The following RAPGEF2 variants were observed in gnomAD, a reference collection of about 807,000 sequenced individuals.
RAPGEF2 encodes PDZ domain containing guanine nucleotide exchange factor (GEF) 1.
In RAPGEF2, 54 loss-of-function variants were observed where a neutral mutation model predicts 186.7. That is an observed-to-expected ratio of 0.29 (90% CI 0.23 to 0.36). The LOEUF (loss-of-function observed/expected upper bound fraction) is 0.36, where lower values mean the gene tolerates loss of function less well. RAPGEF2 is among the 10% of genes least tolerant of loss of function. The probability of loss-of-function intolerance (pLI) is 1.00; values close to 1 mark genes in which losing one functional copy is unlikely to be tolerated. For synonymous variants in RAPGEF2, 712 were observed against 705.9 expected, an observed-to-expected ratio of 1.01 and a Z score of -0.14; for missense variants, 1,532 against 2,045.0, an observed-to-expected ratio of 0.75 and a Z score of 4.84.
chr4:159,311,948 A>G (rs893382716), intron 8 of RAPGEF2, among the ~76,000 whole-genome samples: 1 of 152,150 alleles, frequency 6.6e-6, no homozygotes, highest in African/African-American at 2.4e-5. Flanking sequence ...TATTTTATGA[A>G]TAGTTTGTTT....
intron 7 of RAPGEF2, among the ~76,000 whole-genome samples, chr4:159,249,961 C>T (rs545545913): frequency 6.6e-6 from 1 of 152,122 alleles, no homozygotes; most frequent in Admixed American, 6.5e-5. Context: ...TGCCTAGCAT[C>T]CTTTGTGGTA....
intron 1 of RAPGEF2, among the ~76,000 whole-genome samples, chr4:159,170,231 T>C (rs1745765425): frequency 6.6e-6 from 1 of 152,142 alleles, no homozygotes; most frequent in Non-Finnish European, 1.5e-5. Context: ...TCAGGTCCTT[T>C]TCCTATTTTG....
intron 7 of RAPGEF2, among the ~76,000 whole-genome samples, chr4:159,250,779 C>T (rs1755229981): frequency 6.6e-6 from 1 of 151,648 alleles, no homozygotes; most frequent in African/African-American, 2.4e-5. Flanking sequence ...GCTAGCAGCC[C>T]TCGCTTGCTC....
chr4:159,129,685 T>C (rs1740793166), intron 1 of RAPGEF2, among the ~76,000 whole-genome samples: 1 of 152,216 alleles, frequency 6.6e-6, no homozygotes, highest in Non-Finnish European at 1.5e-5. Flanking sequence ...ATGTCTATGT[T>C]GTTGTTAATA....
chr4:159,348,511 A>G (rs10013961), intron 25 of RAPGEF2, among the ~76,000 whole-genome samples: 2,861 of 152,242 alleles, frequency 0.019, 84 homozygotes, highest in African/African-American at 0.064. Context: ...TTTCCTAGGT[A>G]CATTTCTCCT....
intron 7 of RAPGEF2, among the ~76,000 whole-genome samples, chr4:159,295,273 G>A (rs944176234): frequency 6.6e-6 from 1 of 152,178 alleles, no homozygotes; most frequent in Non-Finnish European, 1.5e-5. Flanking sequence ...TGGACTGAAT[G>A]ACCTAGAGAA....
intron 1 of RAPGEF2, among the ~76,000 whole-genome samples, chr4:159,104,884 T>G (rs1191479821): frequency 6.6e-6 from 1 of 152,202 alleles, no homozygotes; most frequent in African/African-American, 2.4e-5. Context: ...GAAAAAAAGT[T>G]GAATAGCTAA....
At chr4:159,153,072 A>G (rs761402260) in intron 1 of RAPGEF2, among the ~76,000 whole-genome samples, 1 of 152,156 alleles carries the variant, frequency 6.6e-6, no homozygotes, top group Non-Finnish European at 1.5e-5. Context: ...TATATTGGTC[A>G]GTTACTATAT....
At chr4:159,237,408 AC>A (rs1400419982) in intron 4 of RAPGEF2, among the ~76,000 whole-genome samples, 3 of 152,144 alleles carry the variant, frequency 2.0e-5, no homozygotes, top group African/African-American at 2.4e-5. Context: ...GCCTAGTCTA[AC>A]CTGATAACCT....
At chr4:159,253,434 C>A (rs1434548243) in intron 7 of RAPGEF2, among the ~76,000 whole-genome samples, 2 of 152,154 alleles carry the variant, frequency 1.3e-5, no homozygotes, top group East Asian at 1.9e-4. Flanking sequence ...TTTGTTAATA[C>A]CACCACAGAT....
intron 7 of RAPGEF2, among the ~76,000 whole-genome samples, chr4:159,252,820 T>A (rs545920669): frequency 2.0e-4 from 30 of 152,244 alleles, no homozygotes; most frequent in South Asian, 1.7e-3. Context: ...CTAAAAAAAA[T>A]TTTTGGCTCT....
chr4:159,194,577 G>T (rs145779912), intron 3 of RAPGEF2, among the ~76,000 whole-genome samples: 3 of 152,200 alleles, frequency 2.0e-5, no homozygotes, highest in African/African-American at 4.8e-5. Context: ...TAATTATTAT[G>T]ATATGTATCT....
chr4:159,208,024 T>TTTTA (rs1750150771), intron 3 of RAPGEF2, among the ~76,000 whole-genome samples: 1 of 152,228 alleles, frequency 6.6e-6, no homozygotes, highest in Non-Finnish European at 1.5e-5. Context: ...TTAGAAATCT[T>TTTTA]TTTATTTTTA....
intron 1 of RAPGEF2, among the ~76,000 whole-genome samples, chr4:159,178,650 C>A (rs372433250): frequency 6.6e-6 from 1 of 150,784 alleles, no homozygotes; most frequent in Non-Finnish European, 1.5e-5. Flanking sequence ...CTCCACCTCC[C>A]GGGTTCAAGC....
intron 1 of RAPGEF2, among the ~76,000 whole-genome samples, chr4:159,114,647 A>G (rs1261199014): frequency 6.6e-6 from 1 of 152,226 alleles, no homozygotes. Context: ...ATTTAAGTAG[A>G]TCACAATATT....
At position 159,342,985 on chromosome 4, in the gene RAPGEF2, A is replaced by G; in HGVS notation, c.2925A>G (p.Leu975=). 1 of 1,613,886 alleles carries G rather than the reference A, an allele frequency of 6.2e-7. No individual in the cohort carries two copies. The highest frequency in any genetic ancestry group is 8.5e-7 in the Non-Finnish European group (1 of 1,179,848). The change falls in exon 21 of 30, where the codon CTA becomes CTG. Residue 975 remains leucine, a synonymous_variant. Coordinates refer to ENST00000691494, the MANE Select transcript of RAPGEF2 (RefSeq NM_001394067.2). ...FNSMFAIISG[L]NLAPVARLRT... ...TTTCTTTTTCTCCTCTCAGTGGCCTAAACCTGGCACCAGTGGCAAGACTGC... is the reference window on the plus strand; with the variant it reads ...TTTCTTTTTCTCCTCTCAGTGGCCTGAACCTGGCACCAGTGGCAAGACTGC...
At chr4:159,340,667 C>CCACACACACA (rs3071283) in intron 19 of RAPGEF2, among the ~76,000 whole-genome samples, 1,098 of 76,862 alleles carry the variant, frequency 0.014, 106 homozygotes, top group Non-Finnish European at 0.016. Context: ...ACCACCATCA[C>CCACACACACA]CACACACACA....
intron 11 of RAPGEF2, among the ~76,000 whole-genome samples, chr4:159,324,352 ATTACTT>A (rs1414226330): frequency 3.9e-5 from 6 of 152,276 alleles, no homozygotes; most frequent in African/African-American, 1.4e-4. Context: ...ATGTGGAACT[ATTACTT>A]TTAGTCTTAT....
At chr4:159,206,973 C>G (rs1750055941) in intron 3 of RAPGEF2, among the ~76,000 whole-genome samples, 1 of 152,150 alleles carries the variant, frequency 6.6e-6, no homozygotes, top group Non-Finnish European at 1.5e-5. Context: ...AATTAACTTA[C>G]TTTTCCAAAA....
Sources: gnomAD v4.1 joint callset for allele counts (sites outside exome capture counted in the v4.1 genomes callset) on GRCh38, gnomAD v4.1.1 for gene constraint, MANE v1.5 for transcripts, NCBI Gene and HGNC (gene_info 2026-07-23, HGNC 2026-07-21) for gene names.